ZEB1: variants seen among roughly 807,000 people sequenced by gnomAD.
The protein encoded by ZEB1 is zinc finger E-box binding homeobox 1, also known as zinc finger E-box-binding homeobox 1.
A neutral mutation model predicts 84.9 loss-of-function variants in ZEB1; 21 were observed. That is an observed-to-expected ratio of 0.25 (90% CI 0.18 to 0.36). The LOEUF is 0.36. Ranked by LOEUF, ZEB1 falls within the 10% of genes least tolerant of loss-of-function variation. The pLI, the probability that ZEB1 is intolerant of heterozygous loss-of-function variation, is 1.00. For synonymous variants in ZEB1, 420 were observed against 471.1 expected (o/e 0.89, Z 1.41); for missense variants, 1,104 against 1,330.2 (o/e 0.83, Z 2.65).
chr10:31,333,705 C>T (rs983074834), intron 1 of ZEB1, among the ~76,000 whole-genome samples: 2 of 151,820 alleles, frequency 1.3e-5, no homozygotes, highest in African/African-American at 4.8e-5. Context: ...GCAATAAGTG[C>T]AAATATATTA....
At position 31,520,040 on chromosome 10, in the gene ZEB1, A is replaced by C; in HGVS notation, c.794-86A>C. 2 of 1,520,924 alleles carry C rather than the reference A, an allele frequency of 1.3e-6. No homozygotes were observed. Among genetic ancestry groups the C allele is most frequent in the East Asian group, 4.8e-5 (2 of 41,312 alleles). The allele number at this position is 1,520,924 out of a possible 1,614,324, so 94.2% of individuals were successfully genotyped here. ...CATGGCAGTCTTCTTTTTAAAATTGATACCGCTTGTTTTAGGGAAATGAGG... is the reference window on the plus strand; with the variant it reads ...CATGGCAGTCTTCTTTTTAAAATTGCTACCGCTTGTTTTAGGGAAATGAGG... On this transcript the variant is annotated intron_variant, in intron 6 of 8. Transcript: ENST00000424869. The surrounding 1 kb of genome is among the most constrained non-coding windows in gnomAD (Gnocchi z 5.1).
intron 6 of ZEB1, among the ~76,000 whole-genome samples, chr10:31,518,364 CAT>C (rs1326364381): frequency 6.6e-6 from 1 of 152,130 alleles, no homozygotes; most frequent in Non-Finnish European, 1.5e-5. Context: ...TTTAAGAATA[CAT>C]ATAGCAGCTC....
At chr10:31,321,453 T>G (rs907934383) in intron 1 of ZEB1, 3 of 1,614,006 alleles carry the variant, frequency 1.9e-6, no homozygotes, top group South Asian at 2.2e-5. Context: ...TATTGCAATT[T>G]TAATTTCCTG....
intron 2 of ZEB1, among the ~76,000 whole-genome samples, chr10:31,468,969 A>G (rs1213274040): frequency 6.6e-6 from 1 of 152,232 alleles, no homozygotes; most frequent in Non-Finnish European, 1.5e-5. Flanking sequence ...AATTTAAGAT[A>G]TGGACTGTTA....
intron 1 of ZEB1, among the ~76,000 whole-genome samples, chr10:31,379,701 A>G (rs1220481856): frequency 7.4e-6 from 1 of 135,582 alleles, no homozygotes; most frequent in African/African-American, 3.8e-5. Flanking sequence ...ATGATGTTCC[A>G]AAGGCTTGAA....
intron 1 of ZEB1, among the ~76,000 whole-genome samples, chr10:31,352,304 T>A (rs1254972990): frequency 6.6e-6 from 1 of 152,186 alleles, no homozygotes; most frequent in African/African-American, 2.4e-5. Flanking sequence ...ATTATTGAAA[T>A]TTAAGCGTTA....
At chr10:31,510,163 T>C (rs2069718600) in intron 4 of ZEB1, among the ~76,000 whole-genome samples, 1 of 152,116 alleles carries the variant, frequency 6.6e-6, no homozygotes, top group African/African-American at 2.4e-5. Flanking sequence ...GGAAACATAG[T>C]GTGTGTGTAC....
At chr10:31,321,150 T>A in intron 1 of ZEB1, 1 of 1,060,056 alleles carries the variant, frequency 9.4e-7, no homozygotes, top group African/African-American at 1.7e-5. Context: ...CCCTCCCCTC[T>A]GGGATGCGAA....
intron 1 of ZEB1, among the ~76,000 whole-genome samples, chr10:31,322,673 T>G (rs1269877478): frequency 6.6e-6 from 1 of 152,194 alleles, no homozygotes; most frequent in Non-Finnish European, 1.5e-5. Flanking sequence ...CATTTATAAT[T>G]TCATGCTTTG....
At chr10:31,386,802 T>C (rs544005177) in intron 1 of ZEB1, among the ~76,000 whole-genome samples, 1 of 152,294 alleles carries the variant, frequency 6.6e-6, no homozygotes, top group South Asian at 2.1e-4. Context: ...AGTTTAGCTA[T>C]GTATATATAT....
chr10:31,377,304 C>T (rs543304949), intron 1 of ZEB1, among the ~76,000 whole-genome samples: 1 of 151,650 alleles, frequency 6.6e-6, no homozygotes, highest in East Asian at 1.9e-4. Flanking sequence ...TCTAGGGAGA[C>T]AAGAGCCATG....
intron 1 of ZEB1, among the ~76,000 whole-genome samples, chr10:31,434,339 T>C (rs1299020001): frequency 6.6e-6 from 1 of 152,214 alleles, no homozygotes; most frequent in African/African-American, 2.4e-5. Context: ...GAAAGTTAAC[T>C]GGAATTAGTG....
intron 2 of ZEB1, among the ~76,000 whole-genome samples, chr10:31,476,191 A>G (rs1008584296): frequency 6.6e-6 from 1 of 152,036 alleles, no homozygotes; most frequent in Admixed American, 6.6e-5. Flanking sequence ...TTGAATGGAT[A>G]AACAAAATTG....
chr10:31,408,065 T>C (rs962680001), intron 1 of ZEB1, among the ~76,000 whole-genome samples: 1 of 151,726 alleles, frequency 6.6e-6, no homozygotes, highest in Non-Finnish European at 1.5e-5. Flanking sequence ...ACAAAATCAA[T>C]GTACAAAAAT....
intron 1 of ZEB1, among the ~76,000 whole-genome samples, chr10:31,325,654 C>G (rs994083122): frequency 6.6e-6 from 1 of 151,938 alleles, no homozygotes; most frequent in South Asian, 2.1e-4. Context: ...CCCTCCCTCT[C>G]CCTTCCCCTC....
intron 1 of ZEB1, among the ~76,000 whole-genome samples, chr10:31,371,510 C>G (rs1213613781): frequency 1.3e-5 from 2 of 152,098 alleles, no homozygotes; most frequent in Non-Finnish European, 2.9e-5. Flanking sequence ...GTATTTTCTG[C>G]TTTAAAAAAT....
chr10:31,381,367 A>G (rs1036002153), intron 1 of ZEB1, among the ~76,000 whole-genome samples: 3 of 152,222 alleles, frequency 2.0e-5, no homozygotes, highest in South Asian at 2.1e-4. Context: ...GAATTGCAAC[A>G]AACGATGTAA....
chr10:31,464,625 C>A (rs144341893), intron 2 of ZEB1, among the ~76,000 whole-genome samples: 1 of 152,218 alleles, frequency 6.6e-6, no homozygotes, highest in African/African-American at 2.4e-5. Context: ...GAAAAGTCAA[C>A]GACAGTTTTG....
intron 1 of ZEB1, among the ~76,000 whole-genome samples, chr10:31,392,131 C>T (rs1269048047): frequency 6.6e-6 from 1 of 152,114 alleles, no homozygotes; most frequent in Non-Finnish European, 1.5e-5. Context: ...TTTGCTAATG[C>T]TTTCTTCTGT....
Sources: allele counts gnomAD v4.1 joint callset (sites outside exome capture counted in the v4.1 genomes callset), GRCh38; gene constraint gnomAD v4.1.1; non-coding constraint Gnocchi (gnomAD v3.1); transcripts MANE v1.5; gene names NCBI Gene and HGNC (gene_info 2026-07-23, HGNC 2026-07-21).